Variants in DLGAP2 observed in about 807,000 individuals in gnomAD.
The protein encoded by DLGAP2 is DLG associated protein 2.
Under a neutral mutation model 100.3 loss-of-function variants are expected in DLGAP2, and 26 were observed. That is an observed-to-expected ratio of 0.26 (90% CI 0.19 to 0.36). DLGAP2 has a LOEUF of 0.36. Ranked by LOEUF, DLGAP2 falls within the 10% of genes least tolerant of loss-of-function variation. DLGAP2 has a pLI of 1.00. For synonymous variants in DLGAP2, 886 were observed against 630.1 expected (o/e 1.41, Z -6.08); for missense variants, 1,858 against 1,453.2 (o/e 1.28, Z -4.53).
intron 8 of DLGAP2, among the ~76,000 whole-genome samples, chr8:1,666,060 C>T (rs149915383): frequency 2.6e-5 from 4 of 152,174 alleles, no homozygotes; most frequent in African/African-American, 7.2e-5. Flanking sequence ...CAGTCCCCAA[C>T]GCGTCCCACC....
At chr8:807,993 C>T (rs1007129981) in intron 1 of DLGAP2, among the ~76,000 whole-genome samples, 23 of 152,298 alleles carry the variant, frequency 1.5e-4, no homozygotes, top group Admixed American at 2.6e-4. Flanking sequence ...TGCTACTAAG[C>T]AATTGCTACG....
intron 3 of DLGAP2, among the ~76,000 whole-genome samples, chr8:1,274,695 CTTTTTTTTTTTTTTTT>C (rs145930765): frequency 1.8e-4 from 4 of 22,222 alleles, no homozygotes; most frequent in South Asian, 1.6e-3. Flanking sequence ...TTTCATTTAT[CTTTTTTTTTTTTTTTT>C]TTTTTTTTTT....
At chr8:1,587,203 C>T (rs1192035424) in intron 6 of DLGAP2, among the ~76,000 whole-genome samples, 2 of 152,182 alleles carry the variant, frequency 1.3e-5, no homozygotes, top group African/African-American at 4.8e-5. Flanking sequence ...TGCAGAAATC[C>T]ATTGCCCGTT....
chr8:1,496,724 G>C (rs139662653), intron 3 of DLGAP2, among the ~76,000 whole-genome samples: 3,634 of 152,280 alleles, frequency 0.024, 89 homozygotes, highest in Middle Eastern at 0.048. Flanking sequence ...AGAGATGTTA[G>C]AAAGTGCGCC....
intron 3 of DLGAP2, among the ~76,000 whole-genome samples, chr8:1,497,348 C>A (rs1440123540): frequency 6.6e-6 from 1 of 152,152 alleles, no homozygotes; most frequent in Non-Finnish European, 1.5e-5. Flanking sequence ...CAGTTTGGAC[C>A]ATGGGAAGTA....
At chr8:1,277,050 G>A (rs1255868682) in intron 3 of DLGAP2, among the ~76,000 whole-genome samples, 1 of 152,064 alleles carries the variant, frequency 6.6e-6, no homozygotes, top group Non-Finnish European at 1.5e-5. Flanking sequence ...AATTTAAGCT[G>A]TTTCTAATCA....
chr8:1,155,600 C>G (rs961001932), intron 2 of DLGAP2, among the ~76,000 whole-genome samples: 1 of 152,144 alleles, frequency 6.6e-6, no homozygotes, highest in African/African-American at 2.4e-5. Context: ...AGCCCCAGCT[C>G]TCACCACATC....
At chr8:1,036,442 C>T (rs1472697731) in intron 2 of DLGAP2, among the ~76,000 whole-genome samples, 2 of 152,228 alleles carry the variant, frequency 1.3e-5, no homozygotes, top group Non-Finnish European at 2.9e-5. Flanking sequence ...TCCAGGGGAC[C>T]CTACACGGGG....
intron 2 of DLGAP2, among the ~76,000 whole-genome samples, chr8:1,044,040 T>A (rs971663893): frequency 6.6e-6 from 1 of 152,062 alleles, no homozygotes; most frequent in Non-Finnish European, 1.5e-5. Flanking sequence ...CTCACAGCAG[T>A]GACTGCCCTG....
At chr8:1,509,611 G>GGCA in intron 4 of DLGAP2, among the ~76,000 whole-genome samples, 1 of 152,144 alleles carries the variant, frequency 6.6e-6, no homozygotes, top group South Asian at 2.1e-4. Flanking sequence ...GGTTCTCAGA[G>GGCA]GCAGGTTCTG....
intron 2 of DLGAP2, among the ~76,000 whole-genome samples, chr8:964,160 T>A (rs1219474751): frequency 6.6e-6 from 1 of 152,204 alleles, no homozygotes; most frequent in African/African-American, 2.4e-5. Flanking sequence ...CAGGGAGACA[T>A]AAAGCTGTTT....
chr8:848,791 G>C (rs1270302339), intron 1 of DLGAP2, among the ~76,000 whole-genome samples: 1 of 148,138 alleles, frequency 6.8e-6, no homozygotes, highest in Non-Finnish European at 1.5e-5. Context: ...GTCGTGCGGT[G>C]CGTGTTCCAG....
At chr8:1,295,234 A>G (rs1339880612) in intron 3 of DLGAP2, among the ~76,000 whole-genome samples, 1 of 152,184 alleles carries the variant, frequency 6.6e-6, no homozygotes, top group Admixed American at 6.5e-5. Flanking sequence ...AGGAACCTGA[A>G]AACCCCGAAT....
chr8:838,207 C>T (rs1796917411), intron 1 of DLGAP2, among the ~76,000 whole-genome samples: 1 of 152,068 alleles, frequency 6.6e-6, no homozygotes, highest in African/African-American at 2.4e-5. Flanking sequence ...TTTCCCCTCC[C>T]TTTGTTCCTT....
At chr8:1,169,595 C>A (rs1797087034) in intron 2 of DLGAP2, among the ~76,000 whole-genome samples, 1 of 152,164 alleles carries the variant, frequency 6.6e-6, no homozygotes, top group African/African-American at 2.4e-5. Context: ...AAAGGTCCTT[C>A]ACGTCCCTTG....
At chr8:1,407,892 G>A (rs1384380216) in intron 3 of DLGAP2, among the ~76,000 whole-genome samples, 2 of 151,686 alleles carry the variant, frequency 1.3e-5, no homozygotes, top group Non-Finnish European at 2.9e-5. Context: ...GTCCTCTGGA[G>A]TCATGTATTG....
At chr8:1,588,883 C>G (rs1796208084) in intron 6 of DLGAP2, among the ~76,000 whole-genome samples, 1 of 152,126 alleles carries the variant, frequency 6.6e-6, no homozygotes, top group East Asian at 1.9e-4. Flanking sequence ...GATCACGCCA[C>G]TGCACTCCAA....
At chr8:1,174,126 G>T (rs904334337) in intron 2 of DLGAP2, among the ~76,000 whole-genome samples, 12 of 152,138 alleles carry the variant, frequency 7.9e-5, no homozygotes, top group Non-Finnish European at 1.5e-4. Flanking sequence ...GCTTAGGGGA[G>T]ATCTAAGTCG....
At chr8:1,365,825 T>TG (rs1381478241) in intron 3 of DLGAP2, among the ~76,000 whole-genome samples, 1 of 152,202 alleles carries the variant, frequency 6.6e-6, no homozygotes, top group Non-Finnish European at 1.5e-5. Context: ...GTCGGGGCCC[T>TG]GGGGGGCCGC....
Sources: allele counts gnomAD v4.1 joint callset (sites outside exome capture counted in the v4.1 genomes callset), GRCh38; gene constraint gnomAD v4.1.1; transcripts MANE v1.5; gene names NCBI Gene and HGNC (gene_info 2026-07-23, HGNC 2026-07-21).